Variants in MACROD2 observed in about 807,000 individuals in gnomAD.
MACROD2 encodes the protein mono-ADP ribosylhydrolase 2.
Under a neutral mutation model 70.4 loss-of-function variants are expected in MACROD2, and 36 were observed. That is an observed-to-expected ratio of 0.51 (90% CI 0.39 to 0.68). MACROD2 has a LOEUF of 0.68. Ranked by LOEUF, MACROD2 falls within the 30% of genes least tolerant of loss-of-function variation. The probability of loss-of-function intolerance (pLI) is 0.00; values close to 1 mark genes in which losing one functional copy is unlikely to be tolerated. For synonymous variants in MACROD2, 172 were observed against 178.8 expected, an observed-to-expected ratio of 0.96 and a Z score of 0.30; for missense variants, 496 against 538.4, an observed-to-expected ratio of 0.92 and a Z score of 0.78.
Position 15,817,582 on chromosome 20 carries a change from G to A in MACROD2, c.646-45163G>A, listed in dbSNP as rs148249600. Reference sequence around the variant, plus strand: ...TGACATACCATTGTTCACCATGCCCGATATCTTACTAAGTTCTGTTAATTT... The same window carrying A: ...TGACATACCATTGTTCACCATGCCCAATATCTTACTAAGTTCTGTTAATTT... On this transcript the variant is annotated intron_variant, in intron 8 of 17. Transcript: ENST00000684519. Among the ~76,000 whole-genome samples, 497 of 152,218 alleles carry A rather than the reference G, an allele frequency of 3.3e-3. 1 individual carries two copies. Among genetic ancestry groups the A allele is most frequent in the African/African-American group, 0.011 (448 of 41,526 alleles).
intron 5 of MACROD2, among the ~76,000 whole-genome samples, chr20:15,152,462 A>G (rs1377919424): frequency 6.6e-6 from 1 of 151,434 alleles, no homozygotes; most frequent in Non-Finnish European, 1.5e-5. Flanking sequence ...GGGGGCGTGG[A>G]AATAAGGGAT....
At chr20:15,703,464 C>T (rs147265155) in intron 8 of MACROD2, among the ~76,000 whole-genome samples, 2 of 152,266 alleles carry the variant, frequency 1.3e-5, no homozygotes, top group South Asian at 4.1e-4. Context: ...AACTTACAAC[C>T]CCCAGTCTAT....
At chr20:16,030,659 G>T (rs894060613) in intron 15 of MACROD2, among the ~76,000 whole-genome samples, 10 of 152,140 alleles carry the variant, frequency 6.6e-5, no homozygotes, top group African/African-American at 1.9e-4. Context: ...TGAAATGTAA[G>T]AACTAAGGAG....
chr20:14,862,797 C>A (rs1385588772), intron 5 of MACROD2, among the ~76,000 whole-genome samples: 2 of 142,586 alleles, frequency 1.4e-5, no homozygotes, highest in Non-Finnish European at 3.0e-5. Flanking sequence ...ACAGGAAACC[C>A]AGTCCTTCCT....
chr20:14,122,543 G>A (rs919026166), intron 3 of MACROD2, among the ~76,000 whole-genome samples: 10 of 152,054 alleles, frequency 6.6e-5, no homozygotes, highest in African/African-American at 2.4e-4. Flanking sequence ...TTTCATTGAG[G>A]GAGGTCAATA....
intron 5 of MACROD2, among the ~76,000 whole-genome samples, chr20:14,864,791 T>A (rs556246533): frequency 1.4e-4 from 21 of 151,922 alleles, no homozygotes; most frequent in Admixed American, 2.0e-4. Flanking sequence ...CAGTTTGCTT[T>A]AAAAAAAACA....
At chr20:15,040,803 A>T (rs1040222041) in intron 5 of MACROD2, among the ~76,000 whole-genome samples, 1 of 152,198 alleles carries the variant, frequency 6.6e-6, no homozygotes, top group Non-Finnish European at 1.5e-5. Flanking sequence ...GCAATTTGTA[A>T]TATTTGTAAT....
intron 5 of MACROD2, among the ~76,000 whole-genome samples, chr20:14,902,558 A>G (rs2073907337): frequency 6.6e-6 from 1 of 152,154 alleles, no homozygotes; most frequent in African/African-American, 2.4e-5. Context: ...TCAAAGTCAA[A>G]TTAGTTCTGT....
rs187306887 is a variant in MACROD2, at chr20:15,481,700, A to T, written c.572-18074A>T. On this transcript the variant is annotated intron_variant, in intron 7 of 17. Coordinates refer to ENST00000684519, the MANE Select transcript of MACROD2 (RefSeq NM_001351661.2). ...AAATAAACATTAAAAAAAAAAAACT[A>T]ATATTTACAAGACAGCATACAAATG... Among the ~76,000 whole-genome samples, 895 of 152,228 alleles carry T rather than the reference A, an allele frequency of 5.9e-3. 11 individuals carry two copies. The highest frequency in any genetic ancestry group is 0.021 in the African/African-American group (855 of 41,532).
At chr20:15,860,802 CGA>C (rs1440021779) in intron 8 of MACROD2, among the ~76,000 whole-genome samples, 3 of 152,088 alleles carry the variant, frequency 2.0e-5, no homozygotes, top group African/African-American at 7.2e-5. Context: ...AAGTTATGTG[CGA>C]TATTCCTGAG....
At chr20:14,294,157 G>C (rs2082409022) in intron 3 of MACROD2, among the ~76,000 whole-genome samples, 1 of 151,730 alleles carries the variant, frequency 6.6e-6, no homozygotes, top group African/African-American at 2.4e-5. Context: ...CATTTTGACA[G>C]ATGTAGCAGC....
At chr20:15,596,767 T>G (rs957029665) in intron 8 of MACROD2, among the ~76,000 whole-genome samples, 2 of 152,182 alleles carry the variant, frequency 1.3e-5, no homozygotes, top group Non-Finnish European at 2.9e-5. Flanking sequence ...GCACTCCTCT[T>G]TATTAGAAAT....
At chr20:15,986,893 T>C (rs2066492012) in intron 14 of MACROD2, 92 bp downstream of exon 14, 1 of 1,084,798 alleles carries the variant, frequency 9.2e-7, no homozygotes, top group Non-Finnish European at 1.4e-6. Flanking sequence ...GTGGTGTGTG[T>C]GTGTGTTTTA....
intron 5 of MACROD2, among the ~76,000 whole-genome samples, chr20:15,170,981 G>A (rs550625583): frequency 2.1e-4 from 32 of 152,248 alleles, no homozygotes; most frequent in Non-Finnish European, 1.3e-4. Context: ...AGTATGGCAG[G>A]GCGGTCGCTG....
At chr20:14,276,030 GA>G in intron 3 of MACROD2, among the ~76,000 whole-genome samples, 1 of 151,444 alleles carries the variant, frequency 6.6e-6, no homozygotes, top group African/African-American at 2.4e-5. Context: ...CTGTTGGTGG[GA>G]CTGTAAACTA....
At chr20:14,470,322 G>A (rs2084513163) in intron 3 of MACROD2, among the ~76,000 whole-genome samples, 1 of 152,110 alleles carries the variant, frequency 6.6e-6, no homozygotes, top group East Asian at 1.9e-4. Context: ...AGGGGCATCT[G>A]CCAGATGCTA....
intron 5 of MACROD2, among the ~76,000 whole-genome samples, chr20:15,085,858 A>AACACACACACACACAAC (rs1333700465): frequency 5.9e-5 from 8 of 135,862 alleles, no homozygotes; most frequent in African/African-American, 2.2e-4. Context: ...AAAGATGAAT[A>AACACACACACACACAAC]ACACACACAC....
intron 3 of MACROD2, among the ~76,000 whole-genome samples, chr20:14,249,415 C>CA (rs994018178): frequency 1.3e-5 from 2 of 151,682 alleles, no homozygotes; most frequent in African/African-American, 2.4e-5. Flanking sequence ...TAGGAAGGGG[C>CA]AAAACCAAGG....
chr20:14,818,829 T>TTG (rs1278032305), intron 5 of MACROD2, among the ~76,000 whole-genome samples: 1 of 122,216 alleles, frequency 8.2e-6, no homozygotes, highest in Non-Finnish European at 1.7e-5. Flanking sequence ...CCTTAGGTTT[T>TTG]TTTTTTTTTT....
Sources: allele counts gnomAD v4.1 joint callset (sites outside exome capture counted in the v4.1 genomes callset), GRCh38; gene constraint gnomAD v4.1.1; transcripts MANE v1.5; gene names NCBI Gene and HGNC (gene_info 2026-07-23, HGNC 2026-07-21).